EFHC2: variants seen among roughly 807,000 people sequenced by gnomAD.
EFHC2 encodes the protein EF-hand domain-containing family member C2.
Under a neutral mutation model 52.7 loss-of-function variants are expected in EFHC2, and 18 were observed. That is an observed-to-expected ratio of 0.34 (90% CI 0.24 to 0.51). EFHC2 has a LOEUF of 0.51. EFHC2 is among the 20% of genes least tolerant of loss of function. EFHC2 has a pLI of 0.97. For synonymous variants in EFHC2, 203 were observed against 204.1 expected (o/e 0.99, Z 0.04); for missense variants, 513 against 562.5 (o/e 0.91, Z 0.89).
chrX:44,153,055 G>C (rs2036582374), intron 14 of EFHC2, among the ~76,000 whole-genome samples: 1 of 112,191 alleles, frequency 8.9e-6, no homozygotes, highest in South Asian at 3.7e-4. Context: ...AGGACTAGAA[G>C]ATTCTGCCTC....
rs2037955016 is a variant in EFHC2 at position 44,312,607 on chromosome X, A to C, written c.192T>G (p.Asp64Glu). Residue 64 changes from aspartate to glutamate, a missense_variant, in exon 2 of 15, where the codon GAT (aspartate) becomes GAG (glutamate). Coordinates refer to ENST00000420999, the MANE Select transcript of EFHC2 (RefSeq NM_025184.4). ...CTACCCATGATGGTACATCACTTCC[A>C]TCTCCTTTAGGATATATGCTACATT... ...KPKCSIYPKG[D>E]GSDVPSWVAF... 5 of 1,205,096 alleles carry C rather than the reference A, an allele frequency of 4.1e-6. No individual in the cohort carries two copies. The highest frequency in any genetic ancestry group is 4.5e-6 in the Non-Finnish European group (4 of 893,431).
At chrX:44,151,619 A>G (rs769253289) in intron 14 of EFHC2, among the ~76,000 whole-genome samples, 2 of 111,650 alleles carry the variant, frequency 1.8e-5, no homozygotes, top group Non-Finnish European at 3.8e-5. Context: ...CAATCAATGC[A>G]TTTAGGGTCC....
intron 2 of EFHC2, chrX:44,310,443 T>C (rs2037940193): frequency 1.1e-6 from 1 of 915,099 alleles, no homozygotes; most frequent in Non-Finnish European, 1.5e-6. Flanking sequence ...TGCGGGTCCG[T>C]AATGTGCAGC....
At chrX:44,297,392 C>T (rs2037833569) in intron 2 of EFHC2, among the ~76,000 whole-genome samples, 1 of 109,696 alleles carries the variant, frequency 9.1e-6, no homozygotes, top group Non-Finnish European at 1.9e-5. Context: ...TGGGTCCAGC[C>T]CTAGGGGAAA....
At chrX:44,183,680 T>G (rs1602139345) in intron 11 of EFHC2, among the ~76,000 whole-genome samples, 1 of 112,061 alleles carries the variant, frequency 8.9e-6, no homozygotes, top group Non-Finnish European at 1.9e-5. Context: ...CCACTTCACT[T>G]TGGCTTCATA....
At chrX:44,272,942 T>C (rs1196345595) in intron 2 of EFHC2, 106 bp from the exon 3 acceptor site, 1 of 680,762 alleles carries the variant, frequency 1.5e-6, no homozygotes, top group African/African-American at 2.2e-5. Flanking sequence ...AAGAAAAAAG[T>C]AGAGAGAATT....
At chrX:44,325,051 A>G (rs1411240204) in intron 1 of EFHC2, among the ~76,000 whole-genome samples, 2 of 111,939 alleles carry the variant, frequency 1.8e-5, no homozygotes, top group Non-Finnish European at 3.8e-5. Flanking sequence ...GCCAATTGCT[A>G]TTGTTATTCT....
At chrX:44,270,666 T>C (rs1040515372) in intron 3 of EFHC2, among the ~76,000 whole-genome samples, 5 of 111,555 alleles carry the variant, frequency 4.5e-5, no homozygotes, top group Non-Finnish European at 9.4e-5. Flanking sequence ...ACACTAAATA[T>C]TCATGAGCAC....
chrX:44,192,903 C>T (rs765098738), intron 11 of EFHC2, among the ~76,000 whole-genome samples: 1 of 110,420 alleles, frequency 9.1e-6, no homozygotes, highest in East Asian at 2.9e-4. Flanking sequence ...TCTAAGGCCC[C>T]CCAACCATCT....
intron 2 of EFHC2, among the ~76,000 whole-genome samples, chrX:44,311,335 A>G (rs2037946459): frequency 1.8e-5 from 2 of 112,274 alleles, no homozygotes; most frequent in Admixed American, 9.4e-5. Flanking sequence ...CACAGATGAC[A>G]TGGGGATGTG....
chrX:44,207,746 A>T (rs1383242373), intron 11 of EFHC2, among the ~76,000 whole-genome samples: 1 of 111,993 alleles, frequency 8.9e-6, no homozygotes, highest in Non-Finnish European at 1.9e-5. Context: ...ATATTTGCAA[A>T]CTATGAACCT....
intron 8 of EFHC2, among the ~76,000 whole-genome samples, chrX:44,240,554 C>T (rs1036504981): frequency 2.7e-5 from 3 of 111,950 alleles, no homozygotes; most frequent in Non-Finnish European, 5.6e-5. Flanking sequence ...TTCTTCCTGC[C>T]CGCCTCCTTC....
chrX:44,328,086 AAAGT>A (rs199971508), intron 1 of EFHC2, among the ~76,000 whole-genome samples: 4,175 of 111,797 alleles, frequency 0.037, 215 homozygotes, highest in African/African-American at 0.13. Context: ...GATTTTACCC[AAAGT>A]AAGTTGAAAC....
At chrX:44,252,096 C>T (rs2037455925) in intron 4 of EFHC2, among the ~76,000 whole-genome samples, 1 of 111,595 alleles carries the variant, frequency 9.0e-6, no homozygotes, top group South Asian at 3.7e-4. Flanking sequence ...AAGAATGCCC[C>T]GGAGAAACAG....
In EFHC2 at chrX:44,187,451, AT is replaced by A. The variant is rs752178873; in HGVS notation, c.1752-8888del. Among the ~76,000 whole-genome samples, 63 of 110,357 alleles carry A rather than the reference AT, an allele frequency of 5.7e-4. No homozygotes were observed. In the South Asian group the frequency reaches 0.012, roughly 22 times the overall value. ...ATACTTCTGTTACTAGATATTACACATTTTTTTTCCAAATTTTTATATAAAT... is the reference window on the plus strand; with the variant it reads ...ATACTTCTGTTACTAGATATTACACATTTTTTTCCAAATTTTTATATAAAT... On this transcript the variant is annotated intron_variant, in intron 11 of 14. Transcript: ENST00000420999.
At chrX:44,192,637 G>A (rs1296821027) in intron 11 of EFHC2, among the ~76,000 whole-genome samples, 4 of 107,754 alleles carry the variant, frequency 3.7e-5, no homozygotes, top group Admixed American at 9.9e-5. Context: ...CTCTACCTTC[G>A]TTTCTGCTCT....
At chrX:44,293,790 G>A (rs1261117410) in intron 2 of EFHC2, among the ~76,000 whole-genome samples, 1 of 111,905 alleles carries the variant, frequency 8.9e-6, no homozygotes, top group Admixed American at 9.5e-5. Context: ...CAGTTACACT[G>A]CTGTCCAGTT....
At chrX:44,269,055 G>A (rs1345328159) in intron 3 of EFHC2, among the ~76,000 whole-genome samples, 1 of 110,290 alleles carries the variant, frequency 9.1e-6, no homozygotes, top group East Asian at 2.9e-4. Flanking sequence ...CCCACCACTA[G>A]TAAAACCAAG....
At chrX:44,281,686 T>A (rs2147359344) in intron 2 of EFHC2, among the ~76,000 whole-genome samples, 1 of 112,509 alleles carries the variant, frequency 8.9e-6, no homozygotes, top group South Asian at 3.6e-4. Context: ...TTTAACTACA[T>A]AAGTTATAAC....
Sources: gnomAD v4.1 joint callset for allele counts (sites outside exome capture counted in the v4.1 genomes callset) on GRCh38, gnomAD v4.1.1 for gene constraint, MANE v1.5 for transcripts, NCBI Gene and HGNC (gene_info 2026-07-23, HGNC 2026-07-21) for gene names.